The following ZFYVE9 variants were observed in gnomAD, a reference collection of about 807,000 sequenced individuals.
ZFYVE9 encodes zinc finger FYVE domain-containing protein 9.
ZFYVE9 carries 43 observed loss-of-function variants against 126.7 expected under a neutral mutation model. The ratio of observed to expected loss-of-function variants is 0.34; its 90% CI spans 0.27 to 0.44. The LOEUF (loss-of-function observed/expected upper bound fraction) is 0.44, where lower values mean the gene tolerates loss of function less well. ZFYVE9 is among the 20% of genes least tolerant of loss of function. The pLI, the probability that ZFYVE9 is intolerant of heterozygous loss-of-function variation, is 1.00. For missense variants in ZFYVE9, 1,476 were observed against 1,697.0 expected, an observed-to-expected ratio of 0.87 and a Z score of 2.29; for synonymous variants, 521 against 597.4, an observed-to-expected ratio of 0.87 and a Z score of 1.87.
In ZFYVE9 at chr1:52,238,698, G is replaced by A; in HGVS notation, c.1281G>A (p.Gln427=). 1 of 1,614,120 alleles carries A rather than the reference G, an allele frequency of 6.2e-7. No homozygotes were observed. The change falls in exon 4 of 19, where the codon CAG becomes CAA. Residue 427 remains glutamine (Q), a synonymous_variant. Transcript: ENST00000287727. ...EEKEKFLQIS[Q]PEDTNGDSGG... is the part of the protein sequence containing the mutation. ...AGGAAAAGTTTCTACAGATTAGTCA[G>A]CCTGAGGACACTAATGGTGATAGTG...
intron 2 of ZFYVE9, among the ~76,000 whole-genome samples, chr1:52,220,988 T>A (rs189508762): frequency 4.6e-4 from 70 of 152,338 alleles, no homozygotes; most frequent in African/African-American, 1.6e-3. Flanking sequence ...TTCTAATACT[T>A]GCAAAATTAA....
chr1:52,279,631 T>A (rs895752992), intron 9 of ZFYVE9, among the ~76,000 whole-genome samples: 5 of 151,938 alleles, frequency 3.3e-5, no homozygotes, highest in African/African-American at 1.2e-4. Flanking sequence ...ACCTGGCTAA[T>A]TTTTTTTGTA....
chr1:52,254,573 TTTTTTGAGTAAATAATTC>T (rs1645485384), intron 4 of ZFYVE9, among the ~76,000 whole-genome samples: 1 of 152,166 alleles, frequency 6.6e-6, no homozygotes, highest in African/African-American at 2.4e-5. Flanking sequence ...TAATGATTCC[TTTTTTGAGTAAATAATTC>T]TTAAAACAAG....
chr1:52,187,020 C>T (rs1453163418), intron 1 of ZFYVE9, among the ~76,000 whole-genome samples: 1 of 152,066 alleles, frequency 6.6e-6, no homozygotes, highest in Non-Finnish European at 1.5e-5. Flanking sequence ...AGGGCATCCT[C>T]AGGAAAAAGA....
intron 10 of ZFYVE9, among the ~76,000 whole-genome samples, chr1:52,289,382 T>A (rs1442224739): frequency 1.3e-5 from 2 of 152,230 alleles, no homozygotes; most frequent in Non-Finnish European, 2.9e-5. Flanking sequence ...CTACTAGCAC[T>A]GATCTGATGA....
chr1:52,265,663 C>A, intron 5 of ZFYVE9, among the ~76,000 whole-genome samples: 1 of 152,104 alleles, frequency 6.6e-6, no homozygotes, highest in East Asian at 1.9e-4. Flanking sequence ...CAAATAGGTC[C>A]TGTGCTTTTG....
Position 52,238,521 on chromosome 1 carries a change from G to A in ZFYVE9, c.1104G>A (p.Arg368=), listed in dbSNP as rs769753170. 5 of 1,614,000 alleles carry A rather than the reference G, an allele frequency of 3.1e-6. No homozygotes were observed. In the East Asian group the frequency reaches 8.9e-5, roughly 29 times the overall value. Residue 368 remains arginine, a synonymous_variant, in exon 4 of 19, where the codon AGG becomes AGA. Coordinates refer to ENST00000287727, the MANE Select transcript of ZFYVE9 (RefSeq NM_004799.4). ...ATTGCCTTGTGCCTAATGAAGTTAG[G>A]GCTGATGAAAATGAAGGTTATGAAC... ...CSDCLVPNEV[R]ADENEGYEHE...
chr1:52,149,384 G>A (rs79298773), intron 1 of ZFYVE9, among the ~76,000 whole-genome samples: 2,785 of 152,122 alleles, frequency 0.018, 107 homozygotes, highest in African/African-American at 0.064. Flanking sequence ...GTGAGCCACC[G>A]CGCCTGGGCA....
chr1:52,281,570 C>A, intron 9 of ZFYVE9, 91 bp from the exon 10 acceptor site: 1 of 1,400,258 alleles, frequency 7.1e-7, no homozygotes, highest in Non-Finnish European at 9.8e-7. Context: ...TTAATCTTTG[C>A]TGTATTGTAA....
chr1:52,202,883 G>A (rs545953338), intron 1 of ZFYVE9, among the ~76,000 whole-genome samples: 4 of 151,028 alleles, frequency 2.6e-5, no homozygotes, highest in South Asian at 4.2e-4. Context: ...ACAGGGTTTC[G>A]CCACATGGGC....
intron 2 of ZFYVE9, among the ~76,000 whole-genome samples, chr1:52,230,662 A>G (rs988943031): frequency 4.6e-5 from 7 of 151,886 alleles, no homozygotes; most frequent in Non-Finnish European, 7.4e-5. Context: ...TCCTGTCTCT[A>G]TCTGTCCCCT....
chr1:52,327,843 G>A (rs760726785), intron 13 of ZFYVE9, among the ~76,000 whole-genome samples: 2 of 151,762 alleles, frequency 1.3e-5, no homozygotes, highest in African/African-American at 2.4e-5. Context: ...GGGTGGTGGC[G>A]GGCGCCTGCA....
chr1:52,289,933 G>A (rs1481507975), intron 10 of ZFYVE9, among the ~76,000 whole-genome samples: 1 of 152,166 alleles, frequency 6.6e-6, no homozygotes, highest in African/African-American at 2.4e-5. Flanking sequence ...TAGATTCTAG[G>A]CTCTAATAGG....
chr1:52,251,983 G>GGCATTTT (rs1645452018), intron 4 of ZFYVE9: 1 of 151,464 alleles, frequency 6.6e-6, no homozygotes, highest in African/African-American at 2.5e-5. Flanking sequence ...GTAGCGTTGA[G>GGCATTTT]GCATTTTTTT....
chr1:52,344,726 A>G (rs2147880667), intron 17 of ZFYVE9, 42 bp from the exon 18 acceptor site: 1 of 1,605,768 alleles, frequency 6.2e-7, no homozygotes, highest in Non-Finnish European at 8.5e-7. Flanking sequence ...TTCTCCCAAA[A>G]TCTAGGCACA....
chr1:52,186,996 G>T (rs1330417030), intron 1 of ZFYVE9, among the ~76,000 whole-genome samples: 1 of 151,992 alleles, frequency 6.6e-6, no homozygotes, highest in Non-Finnish European at 1.5e-5. Flanking sequence ...AACCAAAAAA[G>T]AGCCCCAAAG....
At chr1:52,275,868 A>G (rs990734432) in intron 8 of ZFYVE9, among the ~76,000 whole-genome samples, 4 of 149,456 alleles carry the variant, frequency 2.7e-5, no homozygotes, top group East Asian at 2.0e-4. Context: ...TGGATTCCCA[A>G]TGTCTTTAGT....
At chr1:52,236,143 A>G (rs1244147021) in intron 3 of ZFYVE9, among the ~76,000 whole-genome samples, 1 of 152,104 alleles carries the variant, frequency 6.6e-6, no homozygotes, top group East Asian at 1.9e-4. Context: ...TATTCTCCCA[A>G]TGAGATTATA....
At chr1:52,242,123 C>G (rs1645340512) in intron 4 of ZFYVE9, among the ~76,000 whole-genome samples, 2 of 150,660 alleles carry the variant, frequency 1.3e-5, no homozygotes, top group Non-Finnish European at 2.9e-5. Context: ...CCTCTGCCTC[C>G]TGGGCTCAGG....
Sources: allele counts gnomAD v4.1 joint callset (sites outside exome capture counted in the v4.1 genomes callset), GRCh38; gene constraint gnomAD v4.1.1; transcripts MANE v1.5; gene names NCBI Gene and HGNC (gene_info 2026-07-23, HGNC 2026-07-21).